The following THNSL1 variants were observed in gnomAD, a reference collection of about 807,000 sequenced individuals.
THNSL1 encodes threonine synthase like 1.
In THNSL1, 48 loss-of-function variants were observed where a neutral mutation model predicts 50.4. That is an observed-to-expected ratio of 0.95 (90% CI 0.76 to 1.21). The LOEUF (loss-of-function observed/expected upper bound fraction) is 1.21, where lower values mean the gene tolerates loss of function less well. Ranked by LOEUF, THNSL1 falls within the 50% of genes most tolerant of loss-of-function variation. The probability of loss-of-function intolerance (pLI) is 0.00; values close to 1 mark genes in which losing one functional copy is unlikely to be tolerated. For synonymous variants in THNSL1, 309 were observed against 306.1 expected, an observed-to-expected ratio of 1.01 and a Z score of -0.10; for missense variants, 896 against 871.7, an observed-to-expected ratio of 1.03 and a Z score of -0.35.
chr10:24,977,294 A>T, the THNSL1 span, among the ~76,000 whole-genome samples: 2 of 152,236 alleles, frequency 1.3e-5, no homozygotes, highest in African/African-American at 4.8e-5. Context: ...GAATGTATAC[A>T]TTTAGAACAA....
the THNSL1 span, among the ~76,000 whole-genome samples, chr10:24,964,182 TG>T: frequency 6.6e-6 from 1 of 152,242 alleles, no homozygotes; most frequent in African/African-American, 2.4e-5. Flanking sequence ...CCATGGTGGC[TG>T]GGGGTAGAGG....
At chr10:25,003,256 G>C in the THNSL1 span, among the ~76,000 whole-genome samples, 1 of 151,948 alleles carries the variant, frequency 6.6e-6, no homozygotes, top group Non-Finnish European at 1.5e-5. Flanking sequence ...GCCCAGGCTG[G>C]AGTGCAGTGG....
the THNSL1 span, among the ~76,000 whole-genome samples, chr10:24,963,359 A>G: frequency 2.0e-5 from 3 of 152,062 alleles, no homozygotes; most frequent in African/African-American, 7.2e-5. Flanking sequence ...CTTTTTCGAC[A>G]TTTATTTTCT....
the THNSL1 span, among the ~76,000 whole-genome samples, chr10:25,003,939 G>A: frequency 3.3e-5 from 5 of 152,150 alleles, no homozygotes; most frequent in African/African-American, 7.2e-5. Flanking sequence ...TTGGTTTCAT[G>A]TTCCTGTGTT....
At chr10:24,959,033 G>A in the THNSL1 span, among the ~76,000 whole-genome samples, 6 of 152,270 alleles carry the variant, frequency 3.9e-5, no homozygotes, top group Admixed American at 6.5e-5. Context: ...CAGAAGTTAC[G>A]TACATGACCC....
chr10:25,001,484 T>C, the THNSL1 span, among the ~76,000 whole-genome samples: 1 of 152,176 alleles, frequency 6.6e-6, no homozygotes, highest in South Asian at 2.1e-4. Flanking sequence ...TCCTCATCCG[T>C]TTTCTCCTCT....
the THNSL1 span, among the ~76,000 whole-genome samples, chr10:25,004,386 TC>T: frequency 6.6e-6 from 1 of 152,146 alleles, no homozygotes. Context: ...TAATTTACAC[TC>T]CCATCAGCAG....
the THNSL1 span, among the ~76,000 whole-genome samples, chr10:25,005,184 A>C: frequency 1.3e-5 from 2 of 152,158 alleles, no homozygotes; most frequent in Admixed American, 6.6e-5. Flanking sequence ...GTTTGAAGTC[A>C]GGCAGTGTCA....
chr10:24,976,130 A>G, the THNSL1 span, among the ~76,000 whole-genome samples: 1 of 152,166 alleles, frequency 6.6e-6, no homozygotes, highest in Admixed American at 6.5e-5. Context: ...GGTGGGTTAG[A>G]ACGACTGCTC....
the THNSL1 span, among the ~76,000 whole-genome samples, chr10:25,007,128 T>C: frequency 3.3e-5 from 5 of 152,334 alleles, no homozygotes; most frequent in Non-Finnish European, 5.9e-5. Flanking sequence ...TGAGTCATCA[T>C]GTCTAGACAG....
chr10:25,020,276 A>ATATCTATATCTATATCTATATCTATATC (rs58705370), intron 1 of THNSL1, among the ~76,000 whole-genome samples: 3,351 of 149,444 alleles, frequency 0.022, 83 homozygotes, highest in South Asian at 0.051. Context: ...ATCTATATCT[A>ATATCTATATCTATATCTATATCTATATC]TATATATCTA....
At chr10:24,991,708 G>T in the THNSL1 span, among the ~76,000 whole-genome samples, 1 of 152,162 alleles carries the variant, frequency 6.6e-6, no homozygotes, top group African/African-American at 2.4e-5. Flanking sequence ...CCAAGCCCAC[G>T]TGTGATCCAA....
chr10:24,995,959 A>G, the THNSL1 span: 43 of 1,045,616 alleles, frequency 4.1e-5, 1 homozygote, highest in East Asian at 1.1e-3. Flanking sequence ...CACCACTTGT[A>G]TATTGAAGTT....
Position 25,023,213 on chromosome 10 carries a change from G to A in THNSL1, c.-11G>A. 1.3e-6 allele frequency: 2 copies of A among 1,597,618 alleles called. No homozygotes were observed. Among genetic ancestry groups the A allele is most frequent in the South Asian group, 1.1e-5 (1 of 88,350 alleles). ...TTTTTAGGTTGGCTTGGGCAGAAAAGTGAAAAGAGAATGCTCCACTTTAAC... is the reference window on the plus strand; with the variant it reads ...TTTTTAGGTTGGCTTGGGCAGAAAAATGAAAAGAGAATGCTCCACTTTAAC... On this transcript the variant is annotated 5_prime_UTR_variant, in exon 3 of 3. The change creates a new upstream start codon in the 5' untranslated region. Transcript: ENST00000376356.
rs750515105 is a variant in THNSL1, at chr10:25,023,331, C to A, written c.108C>A (p.Thr36=). The change falls in exon 3 of 3, where the codon ACC becomes ACA. Residue 36 remains threonine (T), a synonymous_variant. Coordinates refer to ENST00000376356, the MANE Select transcript of THNSL1 (RefSeq NM_024838.5). The stretch of plus-strand genomic sequence containing the variant: ...ATGCACAGCGATTTCTTTCAAGAAC[C>A]TTTGCACTTGCGGAATTGAGGAAGT... ...DKHAQRFLSR[T]FALAELRKSW... is the part of the protein sequence containing the mutation. The A allele has an allele frequency of 2.5e-5, 40 of 1,614,114 alleles. No individual in the cohort carries two copies. The highest frequency in any genetic ancestry group is 3.3e-5 in the Admixed American group (2 of 60,014).
chr10:24,954,067 C>G, the THNSL1 span, among the ~76,000 whole-genome samples: 1 of 152,204 alleles, frequency 6.6e-6, no homozygotes, highest in African/African-American at 2.4e-5. Context: ...TAGTCTGCAT[C>G]TCACTTCTTT....
In THNSL1 at chr10:25,025,305, G is replaced by C; in HGVS notation, c.2082G>C (p.Leu694Phe). 1.9e-6 allele frequency: 3 copies of C among 1,614,180 alleles called. No individual in the cohort carries two copies. Among genetic ancestry groups the C allele is most frequent in the Non-Finnish European group, 8.5e-7 (1 of 1,180,020 alleles). ...INETSSSQLY[L>F]LGSYNALPPL... is the part of the protein sequence containing the mutation. ...AGACTTCATCAAGTCAGCTCTATTT[G>C]CTGGGTTCATACAATGCATTACCTC... The change falls in exon 3 of 3, where the codon TTG becomes TTC. Residue 694 changes from leucine to phenylalanine, a missense_variant. By Grantham distance (22) the Leu-to-Phe change is conservative. Transcript: ENST00000376356.
Position 25,025,515 on chromosome 10 carries a change from CTGATT to C in THNSL1, c.*63_*67del. ...AGCATGCAATAATAAATCTCAAACA[CTGATT>C]TGGAGTACAGTAGCATTTTGTCTTT... On this transcript the variant is annotated 3_prime_UTR_variant, in exon 3 of 3. Transcript: ENST00000376356. 6.8e-7 allele frequency: 1 copy of C among 1,479,240 alleles called. No homozygotes were observed. The highest frequency in any genetic ancestry group is 9.1e-7 in the Non-Finnish European group (1 of 1,094,040). 91.6% of individuals were successfully genotyped at this position (1,479,240 alleles called of 1,614,324 possible). A position where few individuals can be genotyped will look rare whatever the true frequency, so the allele number is the denominator to read the frequency against.
chr10:25,005,919 G>A, the THNSL1 span, among the ~76,000 whole-genome samples: 2 of 152,224 alleles, frequency 1.3e-5, no homozygotes, highest in Non-Finnish European at 2.9e-5. Context: ...CATCTGTGCT[G>A]TGTAATATAG....
Sources: gnomAD v4.1 joint callset for allele counts (sites outside exome capture counted in the v4.1 genomes callset) on GRCh38, gnomAD v4.1.1 for gene constraint, MANE v1.5 for transcripts, NCBI Gene and HGNC (gene_info 2026-07-23, HGNC 2026-07-21) for gene names.